Variants in PAX2 observed in about 807,000 individuals in gnomAD.
The protein encoded by PAX2 is paired box protein Pax-2.
In PAX2, 9 loss-of-function variants were observed where a neutral mutation model predicts 41.7. The observed-to-expected ratio is 0.22, with a 90% CI of 0.13 to 0.38. PAX2 has a LOEUF of 0.38. Ranked by LOEUF, PAX2 falls within the 10% of genes least tolerant of loss-of-function variation. PAX2 has a pLI of 1.00. For synonymous variants in PAX2, 221 were observed against 212.7 expected (o/e 1.04, Z -0.34); for missense variants, 418 against 531.6 (o/e 0.79, Z 2.10).
intron 3 of PAX2, among the ~76,000 whole-genome samples, chr10:100,752,170 C>A (rs950559329): frequency 6.6e-6 from 1 of 152,140 alleles, no homozygotes; most frequent in Non-Finnish European, 1.5e-5. Flanking sequence ...AGAAATTATC[C>A]CAGTGTGTGC....
chr10:100,821,328 G>A (rs1198723483), intron 7 of PAX2, among the ~76,000 whole-genome samples: 1 of 152,152 alleles, frequency 6.6e-6, no homozygotes, highest in Admixed American at 6.5e-5. Flanking sequence ...CTGGCTCAGG[G>A]GTCCTGAACA....
chr10:100,778,349 A>C (rs2133891626), intron 3 of PAX2, among the ~76,000 whole-genome samples: 1 of 152,226 alleles, frequency 6.6e-6, no homozygotes. Context: ...CTCTCCTCCA[A>C]GTTTCCAGCA....
In PAX2 at chr10:100,748,305, TG is replaced by T. The variant is rs1189343038; in HGVS notation, c.44-1437del. 2.0e-6 allele frequency: 2 copies of T among 979,634 alleles called. No homozygotes were observed. Among genetic ancestry groups the T allele is most frequent in the East Asian group, 2.3e-4 (2 of 8,564 alleles). The allele number at this position is 979,634 out of a possible 1,614,324, so 60.7% of individuals were successfully genotyped here. On this transcript the variant is annotated intron_variant, in intron 1 of 9. Coordinates refer to ENST00000355243, the MANE Select transcript of PAX2 (RefSeq NM_000278.5). The surrounding 1 kb of genome is among the most constrained non-coding windows in gnomAD (Gnocchi z 5.0). Reference sequence around the variant, plus strand: ...TTTGGAGGGAGGGGAGGGTGAGAAGTGGGGCTAGAGATAGGGAGATTAACGG... The same window carrying T: ...TTTGGAGGGAGGGGAGGGTGAGAAGTGGGCTAGAGATAGGGAGATTAACGG...
chr10:100,827,942 G>A lies in PAX2; in HGVS notation c.*323G>A. 1 of 331,514 alleles carries A rather than the reference G, an allele frequency of 3.0e-6. No homozygotes were observed. Among genetic ancestry groups the A allele is most frequent in the Non-Finnish European group, 5.4e-6 (1 of 184,362 alleles). 20.5% of individuals were successfully genotyped at this position (331,514 alleles called of 1,614,324 possible). On this transcript the variant is annotated 3_prime_UTR_variant, in exon 10 of 10. Coordinates refer to ENST00000355243, the MANE Select transcript of PAX2 (RefSeq NM_000278.5). The surrounding 1 kb of genome is among the most constrained non-coding windows in gnomAD (Gnocchi z 8.5). Reference sequence around the variant, plus strand: ...GCTCGTCCCGGCCTCCACCAAGCCAGCCCCGAAGCCCGCCAGCCACCCTGC... The same window carrying A: ...GCTCGTCCCGGCCTCCACCAAGCCAACCCCGAAGCCCGCCAGCCACCCTGC...
chr10:100,745,800 C>G lies in PAX2; in HGVS notation c.-461C>G. The G allele has an allele frequency of 5.6e-6, 6 of 1,077,406 alleles. No individual in the cohort carries two copies. The highest frequency in any genetic ancestry group is 6.8e-6 in the Non-Finnish European group (6 of 888,404). The allele number at this position is 1,077,406 out of a possible 1,614,324, so 66.7% of individuals were successfully genotyped here. On this transcript the variant is annotated 5_prime_UTR_variant, in exon 1 of 10. Transcript: ENST00000355243. The stretch of plus-strand genomic sequence containing the variant: ...TTCTCTGCCAACTTCGCCAACTCGC[C>G]AGCACTTGGAGAGGCCCGGCTCCCC...
chr10:100,777,677 G>A (rs1846447512), intron 3 of PAX2, among the ~76,000 whole-genome samples: 1 of 152,236 alleles, frequency 6.6e-6, no homozygotes. Flanking sequence ...TTACAGGCGT[G>A]AGCCACTGCA....
chr10:100,742,067 C>G (rs1315845443), upstream of PAX2, among the ~76,000 whole-genome samples: 2 of 152,202 alleles, frequency 1.3e-5, no homozygotes, highest in Non-Finnish European at 2.9e-5. Flanking sequence ...TACTGGAGGC[C>G]GGGCGCCTGG....
At chr10:100,752,479 A>C (rs926043851) in intron 3 of PAX2, among the ~76,000 whole-genome samples, 1 of 152,224 alleles carries the variant, frequency 6.6e-6, no homozygotes, top group Non-Finnish European at 1.5e-5. Context: ...TGAGCCATGT[A>C]GAGACTCAGT....
chr10:100,790,837 GC>G (rs1847085907), intron 5 of PAX2, among the ~76,000 whole-genome samples: 1 of 152,174 alleles, frequency 6.6e-6, no homozygotes, highest in African/African-American at 2.4e-5. Context: ...TCTCCATTTT[GC>G]CCCATTGGGG....
At chr10:100,741,941 A>T (rs1470888213), upstream of PAX2, among the ~76,000 whole-genome samples, 1 of 152,172 alleles carries the variant, frequency 6.6e-6, no homozygotes, top group East Asian at 1.9e-4. Context: ...TAGCTCCCCT[A>T]GCCGCTCCCC....
At chr10:100,771,560 G>A (rs1846210336) in intron 3 of PAX2, among the ~76,000 whole-genome samples, 2 of 152,178 alleles carry the variant, frequency 1.3e-5, no homozygotes, top group Non-Finnish European at 2.9e-5. Flanking sequence ...TATACAAAGG[G>A]GGAGACTCTA....
intron 3 of PAX2, among the ~76,000 whole-genome samples, chr10:100,753,926 C>A (rs1845539657): frequency 6.6e-6 from 1 of 152,216 alleles, no homozygotes; most frequent in South Asian, 2.1e-4. Flanking sequence ...TGCCACAAAC[C>A]ACGTTCAAAA....
intron 6 of PAX2, among the ~76,000 whole-genome samples, chr10:100,808,391 A>C (rs1288778920): frequency 2.0e-5 from 3 of 152,222 alleles, no homozygotes; most frequent in African/African-American, 7.2e-5. Context: ...GCAGGAAATC[A>C]GTTTTAATTT....
intron 5 of PAX2, among the ~76,000 whole-genome samples, chr10:100,782,869 A>G (rs539374510): frequency 2.6e-5 from 4 of 152,250 alleles, no homozygotes; most frequent in Non-Finnish European, 5.9e-5. Flanking sequence ...TGGCACCCCA[A>G]GTGCTTTGGT....
upstream of PAX2, among the ~76,000 whole-genome samples, chr10:100,744,446 T>C (rs1399929249): frequency 6.6e-6 from 1 of 152,238 alleles, no homozygotes; most frequent in Non-Finnish European, 1.5e-5. Flanking sequence ...GACAAAGGGC[T>C]TCTTCTGCCT....
intron 1 of PAX2, among the ~76,000 whole-genome samples, chr10:100,736,149 G>C (rs1376616939): frequency 6.6e-6 from 1 of 152,158 alleles, no homozygotes; most frequent in Non-Finnish European, 1.5e-5. Flanking sequence ...GGGAAACTCT[G>C]TGTGTACCTG....
At chr10:100,795,883 A>G (rs895020165) in intron 5 of PAX2, among the ~76,000 whole-genome samples, 2 of 152,250 alleles carry the variant, frequency 1.3e-5, no homozygotes, top group Admixed American at 1.3e-4. Context: ...TTTGGAGAAG[A>G]CAAAAGCAAG....
intron 1 of PAX2, among the ~76,000 whole-genome samples, chr10:100,739,837 A>C (rs1844892324): frequency 6.6e-6 from 1 of 152,134 alleles, no homozygotes; most frequent in African/African-American, 2.4e-5. Context: ...TAAGAGAGTT[A>C]ATCATTACTT....
intron 5 of PAX2, among the ~76,000 whole-genome samples, chr10:100,786,465 G>A (rs865929032): frequency 1.3e-5 from 2 of 152,188 alleles, no homozygotes; most frequent in African/African-American, 4.8e-5. Context: ...ATGTATGTTT[G>A]TTTTATAAAC....
Sources: gnomAD v4.1 joint callset for allele counts (sites outside exome capture counted in the v4.1 genomes callset) on GRCh38, gnomAD v4.1.1 for gene constraint, Gnocchi (gnomAD v3.1) non-coding constraint, MANE v1.5 for transcripts, NCBI Gene and HGNC (gene_info 2026-07-23, HGNC 2026-07-21) for gene names.